HECTD4: variants seen among roughly 807,000 people sequenced by gnomAD.
HECTD4 encodes HECT domain E3 ubiquitin protein ligase 4.
A neutral mutation model predicts 471.5 loss-of-function variants in HECTD4; 114 were observed. The observed-to-expected ratio is 0.24, with a 90% CI of 0.21 to 0.28. The LOEUF is 0.28. Among genes scored for constraint, HECTD4 ranks in the 10% least tolerant of loss-of-function variants. The pLI, the probability that HECTD4 is intolerant of heterozygous loss-of-function variation, is 1.00. For missense variants in HECTD4, 3,866 were observed against 5,651.5 expected (o/e 0.68, Z 10.13); for synonymous variants, 2,012 against 2,256.0 (o/e 0.89, Z 3.07).
At chr12:112,296,568 G>A (rs2035022767) in intron 7 of HECTD4, among the ~76,000 whole-genome samples, 1 of 151,600 alleles carries the variant, frequency 6.6e-6, no homozygotes, top group Non-Finnish European at 1.5e-5. Context: ...AAGGGTGTAA[G>A]TACAGTGGAT....
Position 112,381,814 on chromosome 12 carries a change from C to T in HECTD4, c.177+138G>A. 1 of 487,134 alleles carries T rather than the reference C, an allele frequency of 2.1e-6. No homozygotes were observed. Among genetic ancestry groups the T allele is most frequent in the Admixed American group, 4.7e-5 (1 of 21,276 alleles). 30.2% of individuals were successfully genotyped at this position (487,134 alleles called of 1,614,324 possible). ...GACCTGCGGCCGCGGCCCCACCTGC[C>T]CGCCCCGCGCCCACACACACCTGCC... On this transcript the variant is annotated intron_variant, in intron 1 of 75. Coordinates refer to ENST00000682272, the MANE Select transcript of HECTD4 (RefSeq NM_001388303.1). The surrounding 1 kb of genome is among the most constrained non-coding windows in gnomAD (Gnocchi z 4.1).
intron 44 of HECTD4, among the ~76,000 whole-genome samples, chr12:112,223,680 A>G (rs2033157552): frequency 1.3e-5 from 2 of 152,196 alleles, no homozygotes; most frequent in Admixed American, 6.5e-5. Flanking sequence ...TTGGCCTCCC[A>G]AAGTGCTGGG....
At chr12:112,264,888 C>A (rs989355334) in intron 16 of HECTD4, among the ~76,000 whole-genome samples, 1 of 152,156 alleles carries the variant, frequency 6.6e-6, no homozygotes, top group African/African-American at 2.4e-5. Context: ...CCTCAGCCTC[C>A]TGAGTAGCTG....
intron 4 of HECTD4, among the ~76,000 whole-genome samples, chr12:112,310,558 T>G (rs1323552775): frequency 2.6e-5 from 4 of 152,184 alleles, no homozygotes; most frequent in African/African-American, 9.7e-5. Context: ...GTGGAGTCTT[T>G]CCACCTGAAG....
At chr12:112,359,084 G>A (rs2036401362) in intron 1 of HECTD4, among the ~76,000 whole-genome samples, 1 of 151,988 alleles carries the variant, frequency 6.6e-6, no homozygotes, top group South Asian at 2.1e-4. Flanking sequence ...GCTGAGGCAG[G>A]AGAATGGCGT....
chr12:112,295,830 C>A (rs182508220), intron 7 of HECTD4, among the ~76,000 whole-genome samples: 2 of 151,262 alleles, frequency 1.3e-5, no homozygotes, highest in East Asian at 2.0e-4. Context: ...TATATACACA[C>A]ACACACACAC....
chr12:112,266,914 T>A lies in HECTD4; in HGVS notation c.2390A>T (p.Glu797Val). Residue 797 changes from glutamate to valine, a missense_variant and splice_region_variant, in exon 14 of 76, where the codon GAA becomes GTA. Transcript: ENST00000682272. ...GATAATTAAAGGATAATTCTTACCT[T>A]CTGTTAAGACCAGTTTAAGTAAGTT... Reference protein sequence around the residue: ...INNLLKLVLTEGERNSGLSQL... With the variant: ...INNLLKLVLTVGERNSGLSQL... 6.9e-7 allele frequency: 1 copy of A among 1,443,470 alleles called. No individual in the cohort carries two copies. Among genetic ancestry groups the A allele is most frequent in the Admixed American group, 2.0e-5 (1 of 51,040 alleles). 89.4% of individuals were successfully genotyped at this position (1,443,470 alleles called of 1,614,324 possible). A position where few individuals can be genotyped will look rare whatever the true frequency, so the allele number is the denominator to read the frequency against.
Position 112,343,186 on chromosome 12 carries a change from C to G in HECTD4, c.178-23444G>C, listed in dbSNP as rs571872794. On this transcript the variant is annotated intron_variant, in intron 1 of 75. Transcript: ENST00000682272. ...ATAACAGAAAATAAATGTACAACCA[C>G]TTAGGCTTAAACATATTTTTGTTAC... Among the ~76,000 whole-genome samples, 10 of 152,278 alleles carry G rather than the reference C, an allele frequency of 6.6e-5. No individual in the cohort carries two copies. The East Asian group carries it at 1.9e-3, about 29-fold the overall frequency.
chr12:112,214,315 C>G (rs889094355), intron 48 of HECTD4, among the ~76,000 whole-genome samples: 3 of 152,182 alleles, frequency 2.0e-5, no homozygotes, highest in Non-Finnish European at 4.4e-5. Context: ...TTTGTAAACT[C>G]TCCAGTAAGT....
At chr12:112,337,589 A>G (rs905482676) in intron 1 of HECTD4, among the ~76,000 whole-genome samples, 5 of 152,362 alleles carry the variant, frequency 3.3e-5, no homozygotes, top group Middle Eastern at 3.4e-3. Flanking sequence ...TCTAGAGAGA[A>G]GAAAGAATAT....
intron 68 of HECTD4, 92 bp downstream of exon 68, chr12:112,171,025 C>A: frequency 8.9e-7 from 1 of 1,121,458 alleles, no homozygotes; most frequent in Non-Finnish European, 1.2e-6. Context: ...CCTGGCGGGG[C>A]TGCCCAAGGA....
At position 112,210,014 on chromosome 12, in the gene HECTD4, C is replaced by A; in HGVS notation, c.7867+1G>T. On this transcript the variant is annotated splice_donor_variant, in intron 50 of 75. Coordinates refer to ENST00000682272, the MANE Select transcript of HECTD4 (RefSeq NM_001388303.1). LOFTEE classifies it high-confidence loss of function. The stretch of plus-strand genomic sequence containing the variant: ...GCAGTAAGTTCCAGGAGGTGACTTA[C>A]GTTGCTGAGCGGTGGCCACGGCAGC... 6.2e-7 allele frequency: 1 copy of A among 1,610,412 alleles called. No individual in the cohort carries two copies. The highest frequency in any genetic ancestry group is 8.5e-7 in the Non-Finnish European group (1 of 1,177,760).
At chr12:112,231,101 C>T in intron 39 of HECTD4, 1 of 464,364 alleles carries the variant, frequency 2.2e-6, no homozygotes, top group Non-Finnish European at 3.8e-6. Context: ...CTATTCCTGG[C>T]TTTCAAGCAC....
intron 7 of HECTD4, among the ~76,000 whole-genome samples, chr12:112,292,592 G>T (rs1389767916): frequency 6.6e-6 from 1 of 152,202 alleles, no homozygotes; most frequent in Non-Finnish European, 1.5e-5. Context: ...GAATGAATAT[G>T]TGAAGACATA....
chr12:112,244,483 C>T (rs1418541855), intron 29 of HECTD4, among the ~76,000 whole-genome samples: 1 of 152,172 alleles, frequency 6.6e-6, no homozygotes, highest in Non-Finnish European at 1.5e-5. Context: ...ATTCTCCTAC[C>T]TCAGCCTCCC....
Position 112,219,462 on chromosome 12 carries a change from T to C in HECTD4, c.6998A>G (p.Gln2333Arg), listed in dbSNP as rs1255942349. The C allele has an allele frequency of 1.2e-6, 2 of 1,613,688 alleles. No individual in the cohort carries two copies. Among genetic ancestry groups the C allele is most frequent in the African/African-American group, 2.7e-5 (2 of 74,924 alleles). ...AGERLAVVEV[Q>R]CERLRMLYRD... is the part of the protein sequence containing the mutation. ...GTAGAGCATCCTCAGCCGTTCACAC[T>C]GTACCTCCACAACTGCAAGTCGCTC... The change falls in exon 45 of 76, where the codon CAG becomes CGG. Residue 2333 changes from glutamine to arginine, a missense_variant. Physicochemically the swap from Gln to Arg is conservative, Grantham distance 43 (BLOSUM62 1). Around this residue, in one of 16 missense-constraint regions of HECTD4, gnomAD observed 617 missense variants for 915.1 expected, o/e 0.67. Transcript: ENST00000682272.
chr12:112,171,882 A>T (rs1236907320), intron 67 of HECTD4, among the ~76,000 whole-genome samples: 1 of 152,200 alleles, frequency 6.6e-6, no homozygotes, highest in African/African-American at 2.4e-5. Context: ...TCTGGGAATT[A>T]ACAATTTATT....
intron 1 of HECTD4, among the ~76,000 whole-genome samples, chr12:112,344,114 C>G (rs538902747): frequency 2.2e-4 from 34 of 152,310 alleles, no homozygotes; most frequent in African/African-American, 7.5e-4. Context: ...TCCTAAATCT[C>G]TCTCCACAAG....
At chr12:112,325,953 C>T (rs2135709935) in intron 1 of HECTD4, among the ~76,000 whole-genome samples, 1 of 152,136 alleles carries the variant, frequency 6.6e-6, no homozygotes, top group East Asian at 1.9e-4. Context: ...TGCACCACCA[C>T]ACTCGGCTAA....
Sources: allele counts gnomAD v4.1 joint callset (sites outside exome capture counted in the v4.1 genomes callset), GRCh38; gene constraint gnomAD v4.1.1; regional missense constraint gnomAD v4.1.1; non-coding constraint Gnocchi (gnomAD v3.1); transcripts MANE v1.5; gene names NCBI Gene and HGNC (gene_info 2026-07-23, HGNC 2026-07-21).